The following DLG2 variants were observed in gnomAD, a reference collection of about 807,000 sequenced individuals.
DLG2 encodes discs large MAGUK scaffold protein 2.
Under a neutral mutation model 132.5 loss-of-function variants are expected in DLG2, and 45 were observed. The observed-to-expected ratio is 0.34, with a 90% CI of 0.27 to 0.44. The LOEUF (loss-of-function observed/expected upper bound fraction) is 0.44, where lower values mean the gene tolerates loss of function less well. Ranked by LOEUF, DLG2 falls within the 20% of genes least tolerant of loss-of-function variation. DLG2 has a pLI of 1.00. For synonymous variants in DLG2, 424 were observed against 419.6 expected (o/e 1.01, Z -0.13); for missense variants, 1,045 against 1,196.9 (o/e 0.87, Z 1.87).
chr11:83,852,685 TTGTCCTGTATAAA>T (rs757681046), intron 16 of DLG2, among the ~76,000 whole-genome samples: 5 of 152,236 alleles, frequency 3.3e-5, no homozygotes, highest in Admixed American at 6.5e-5. Flanking sequence ...ATCACAGGTG[TTGTCCTGTATAAA>T]TGTCCTGTAT....
At chr11:84,756,933 G>C (rs1372584930) in intron 6 of DLG2, among the ~76,000 whole-genome samples, 1 of 152,116 alleles carries the variant, frequency 6.6e-6, no homozygotes, top group Non-Finnish European at 1.5e-5. Flanking sequence ...CTCCCAATGA[G>C]ATAAATGGGT....
At chr11:85,193,331 G>T (rs993181384) in intron 4 of DLG2, among the ~76,000 whole-genome samples, 4 of 152,052 alleles carry the variant, frequency 2.6e-5, no homozygotes, top group Non-Finnish European at 5.9e-5. Context: ...GAGCACGAGG[G>T]TTATCTCTAT....
chr11:84,436,227 T>C (rs1461263049), intron 7 of DLG2, among the ~76,000 whole-genome samples: 1 of 152,162 alleles, frequency 6.6e-6, no homozygotes, highest in Non-Finnish European at 1.5e-5. Context: ...GTCAGTTACG[T>C]TCTAAAATTG....
chr11:84,958,503 G>A (rs1458236942), intron 6 of DLG2, among the ~76,000 whole-genome samples: 1 of 152,156 alleles, frequency 6.6e-6, no homozygotes, highest in Non-Finnish European at 1.5e-5. Flanking sequence ...TTTGTGCTTG[G>A]CTCCAGTAAA....
intron 6 of DLG2, among the ~76,000 whole-genome samples, chr11:84,987,303 G>C (rs115190702): frequency 0.021 from 3,257 of 152,032 alleles, 125 homozygotes; most frequent in African/African-American, 0.075. Context: ...CTCATGATTA[G>C]GTAGAATCAA....
intron 6 of DLG2, among the ~76,000 whole-genome samples, chr11:84,919,482 T>C (rs1484871215): frequency 1.3e-5 from 2 of 152,088 alleles, no homozygotes; most frequent in African/African-American, 4.8e-5. Context: ...ATTTATGCAG[T>C]AGGCAGCAGG....
chr11:84,746,609 T>C (rs2065398646), intron 6 of DLG2, among the ~76,000 whole-genome samples: 1 of 152,084 alleles, frequency 6.6e-6, no homozygotes, highest in Non-Finnish European at 1.5e-5. Flanking sequence ...GTCCAATGAG[T>C]TGTTAATAAT....
intron 15 of DLG2, among the ~76,000 whole-genome samples, chr11:83,912,049 G>C (rs1219183901): frequency 2.0e-5 from 3 of 151,822 alleles, no homozygotes; most frequent in African/African-American, 4.8e-5. Flanking sequence ...ATCATATTTT[G>C]CACTTATATA....
intron 20 of DLG2, among the ~76,000 whole-genome samples, chr11:83,538,027 TG>T (rs2095942158): frequency 6.6e-6 from 1 of 152,102 alleles, no homozygotes. Flanking sequence ...GATTTTGTGT[TG>T]ATACAATTAG....
chr11:83,997,628 G>A (rs1264545106), intron 11 of DLG2, among the ~76,000 whole-genome samples: 2 of 147,088 alleles, frequency 1.4e-5, no homozygotes, highest in Non-Finnish European at 3.0e-5. Flanking sequence ...CTACTCAGGA[G>A]TCTGAGGGAT....
chr11:84,370,703 C>G (rs903271657), intron 7 of DLG2, among the ~76,000 whole-genome samples: 5 of 152,220 alleles, frequency 3.3e-5, no homozygotes, highest in African/African-American at 9.6e-5. Context: ...TTCTGGAAAG[C>G]AGTGTCTGAC....
chr11:85,127,382 C>CCT (rs59686091), intron 5 of DLG2, among the ~76,000 whole-genome samples: 70,165 of 151,444 alleles, frequency 0.46, 16,836 homozygotes, highest in South Asian at 0.61. Flanking sequence ...GAAAGCCTCC[C>CCT]GATATTTATC....
At chr11:83,468,908 A>G (rs2091601875) in intron 25 of DLG2, among the ~76,000 whole-genome samples, 1 of 152,166 alleles carries the variant, frequency 6.6e-6, no homozygotes, top group African/African-American at 2.4e-5. Context: ...GTTTACAACT[A>G]AAGTAGTAAA....
chr11:83,538,301 G>A (rs1036279516), intron 20 of DLG2, among the ~76,000 whole-genome samples: 1 of 152,170 alleles, frequency 6.6e-6, no homozygotes, highest in African/African-American at 2.4e-5. Context: ...AGCAAGACAT[G>A]GACTTCCATT....
At chr11:83,771,542 G>A (rs1209289800) in intron 18 of DLG2, among the ~76,000 whole-genome samples, 2 of 152,022 alleles carry the variant, frequency 1.3e-5, no homozygotes, top group South Asian at 2.1e-4. Flanking sequence ...TTGTTCCTGC[G>A]CTACAAATAT....
chr11:84,378,845 T>C lies in DLG2; in HGVS notation c.520-127554A>G, dbSNP rs60479766. On this transcript the variant is annotated intron_variant, in intron 7 of 27. Transcript: ENST00000376104. ...TGGTATTCACAGATACTCAGGAGGC[T>C]GAGGAAGAAAAAATCGTTTGAACCC... Among the ~76,000 whole-genome samples the C allele has an allele frequency of 3.0e-3, 362 of 120,580 alleles. 3 individuals are homozygous for C. The highest frequency in any genetic ancestry group is 0.018 in the African/African-American group (296 of 16,596). 79.1% of individuals were successfully genotyped at this position (120,580 alleles called of 152,430 possible).
intron 7 of DLG2, chr11:84,273,306 GAAA>G (rs752762450): frequency 7.9e-3 from 6,138 of 775,676 alleles, no homozygotes; most frequent in Middle Eastern, 0.015. Context: ...AGTTGAAGAG[GAAA>G]AAAAAAAAAA....
At chr11:83,867,401 C>A (rs1472578963) in intron 16 of DLG2, among the ~76,000 whole-genome samples, 1 of 151,940 alleles carries the variant, frequency 6.6e-6, no homozygotes, top group Admixed American at 6.6e-5. Flanking sequence ...TATTTTTAGC[C>A]CTTAAATATA....
intron 22 of DLG2, among the ~76,000 whole-genome samples, chr11:83,479,309 G>A (rs186371079): frequency 1.3e-5 from 2 of 150,918 alleles, no homozygotes; most frequent in East Asian, 1.9e-4. Flanking sequence ...TCCAAATTAT[G>A]TGTTGTACCA....
Sources: allele counts gnomAD v4.1 joint callset (sites outside exome capture counted in the v4.1 genomes callset), GRCh38; gene constraint gnomAD v4.1.1; transcripts MANE v1.5; gene names NCBI Gene and HGNC (gene_info 2026-07-23, HGNC 2026-07-21).